Variants in CENPP observed in about 807,000 individuals in gnomAD.
CENPP encodes the protein centromere protein P.
In CENPP, 24 loss-of-function variants were observed where a neutral mutation model predicts 35.6. That is an observed-to-expected ratio of 0.67 (90% confidence interval 0.49 to 0.95). The LOEUF (loss-of-function observed/expected upper bound fraction) is 0.95, where lower values mean the gene tolerates loss of function less well. Among genes scored for constraint, CENPP ranks in the 40% least tolerant of loss-of-function variants. CENPP has a pLI of 0.00. For synonymous variants in CENPP, 120 were observed against 125.5 expected (o/e 0.96, Z 0.29); for missense variants, 332 against 345.3 (o/e 0.96, Z 0.31).
intron 5 of CENPP, among the ~76,000 whole-genome samples, chr9:92,454,956 G>T (rs111495382): frequency 1.3e-5 from 2 of 152,200 alleles, no homozygotes; most frequent in South Asian, 2.1e-4. Context: ...TTTTGTTCTA[G>T]GTTTCCAGAT....
At chr9:92,570,679 T>A (rs1305915190) in intron 5 of CENPP, among the ~76,000 whole-genome samples, 1 of 152,236 alleles carries the variant, frequency 6.6e-6, no homozygotes, top group Admixed American at 6.5e-5. Flanking sequence ...GTACCTCTGG[T>A]AGAATTCGGC....
intron 5 of CENPP, among the ~76,000 whole-genome samples, chr9:92,462,220 C>T (rs867758557): frequency 1.1e-4 from 17 of 152,284 alleles, no homozygotes; most frequent in Middle Eastern, 3.4e-3. Context: ...TCAAGCGATC[C>T]GCCTACCTTG....
intron 4 of CENPP, among the ~76,000 whole-genome samples, chr9:92,351,839 G>C (rs12156579): frequency 2.0e-5 from 3 of 151,604 alleles, no homozygotes; most frequent in African/African-American, 7.3e-5. Flanking sequence ...TGGCCAGGCT[G>C]GTCTTGAATT....
Position 92,465,052 on chromosome 9 carries a change from C to T in CENPP, c.564+85193C>T, listed in dbSNP as rs577711873. ...TTTCTGTCAGGGGAGAATGACATGA[C>T]TTAGCACACATAGGTTGTATATAAA... is the stretch of plus-strand genomic sequence containing the variant. On this transcript the variant is annotated intron_variant, in intron 5 of 7. Coordinates refer to ENST00000375587, the MANE Select transcript of CENPP (RefSeq NM_001012267.3). The T allele has an allele frequency of 1.2e-5, 18 of 1,481,806 alleles. No individual in the cohort carries two copies. In the Admixed American group the frequency reaches 2.5e-4, roughly 21 times the overall value. 91.8% of individuals were successfully genotyped at this position (1,481,806 alleles called of 1,614,324 possible).
At position 92,611,331 on chromosome 9, in the gene CENPP, C is replaced by T. The variant is rs769058253; in HGVS notation, c.582C>T (p.Ala194=). The T allele has an allele frequency of 8.1e-6, 13 of 1,613,744 alleles. No individual in the cohort carries two copies. Among genetic ancestry groups the T allele is most frequent in the Admixed American group, 3.3e-5 (2 of 60,026 alleles). The change falls in exon 6 of 8, where the codon GCC becomes GCT. Residue 194 remains alanine, a synonymous_variant. Coordinates refer to ENST00000375587, the MANE Select transcript of CENPP (RefSeq NM_001012267.3). ...CCATGCAGGAAAAGTACCCAGATGC[C>T]GTGTACCTCTCGGAGGGGCCCTCCT... is the stretch of plus-strand genomic sequence containing the variant. ...FKHLKEKYPD[A]VYLSEGPSSC...
intron 5 of CENPP, among the ~76,000 whole-genome samples, chr9:92,605,485 G>C (rs1851053062): frequency 6.6e-6 from 1 of 151,994 alleles, no homozygotes; most frequent in South Asian, 2.1e-4. Context: ...ATAAACCAGA[G>C]TATCTTTCAA....
chr9:92,521,923 A>G (rs1031604125), intron 5 of CENPP, among the ~76,000 whole-genome samples: 2 of 152,246 alleles, frequency 1.3e-5, no homozygotes, highest in Non-Finnish European at 2.9e-5. Context: ...TAGGATTACA[A>G]CTATTTAAAA....
chr9:92,393,144 A>G (rs759516062), intron 5 of CENPP: 3 of 1,613,858 alleles, frequency 1.9e-6, no homozygotes, highest in Admixed American at 3.3e-5. Context: ...GTGCGTAAAG[A>G]TAGGCTGATT....
At chr9:92,569,126 T>C (rs542573153) in intron 5 of CENPP, among the ~76,000 whole-genome samples, 19 of 152,336 alleles carry the variant, frequency 1.2e-4, no homozygotes, top group African/African-American at 4.6e-4. Context: ...TGCCATTGCT[T>C]TTGGTGTTTT....
intron 3 of CENPP, among the ~76,000 whole-genome samples, chr9:92,343,285 A>G (rs1305354081): frequency 2.0e-5 from 3 of 152,178 alleles, no homozygotes; most frequent in Admixed American, 2.0e-4. Flanking sequence ...TGGTGCAGCT[A>G]TTGTTGTCCA....
At chr9:92,382,239 T>A (rs922110207) in intron 5 of CENPP, among the ~76,000 whole-genome samples, 3 of 152,078 alleles carry the variant, frequency 2.0e-5, no homozygotes, top group African/African-American at 7.2e-5. Flanking sequence ...TTTTATTTAA[T>A]TTTTAATCGA....
At chr9:92,413,452 A>G (rs1843501612) in intron 5 of CENPP, among the ~76,000 whole-genome samples, 1 of 152,180 alleles carries the variant, frequency 6.6e-6, no homozygotes, top group Non-Finnish European at 1.5e-5. Context: ...ACATAGTAAT[A>G]TCTCATTTAT....
At chr9:92,362,865 A>G (rs1841793413) in intron 4 of CENPP, among the ~76,000 whole-genome samples, 3 of 152,214 alleles carry the variant, frequency 2.0e-5, no homozygotes, top group South Asian at 2.1e-4. Flanking sequence ...TATAATATGT[A>G]TGGATTCATT....
intron 5 of CENPP, chr9:92,610,597 A>G (rs1851211830): frequency 2.6e-5 from 4 of 152,292 alleles, no homozygotes; most frequent in Admixed American, 6.5e-5. Flanking sequence ...GCAAGCCTAG[A>G]AATCTGTGAG....
intron 4 of CENPP, among the ~76,000 whole-genome samples, chr9:92,363,859 T>C (rs1841823177): frequency 6.6e-6 from 1 of 151,748 alleles, no homozygotes; most frequent in Non-Finnish European, 1.5e-5. Context: ...TTTGTTTTTG[T>C]TTTTTTTGAG....
intron 5 of CENPP, among the ~76,000 whole-genome samples, chr9:92,465,795 G>A (rs1054621159): frequency 1.3e-5 from 2 of 151,474 alleles, no homozygotes; most frequent in Non-Finnish European, 2.9e-5. Context: ...ATTAGGGTCT[G>A]GTCAGAAACA....
At chr9:92,416,352 G>T (rs375213331) in intron 5 of CENPP, among the ~76,000 whole-genome samples, 5 of 151,702 alleles carry the variant, frequency 3.3e-5, no homozygotes, top group Admixed American at 6.6e-5. Flanking sequence ...CACCCCACCC[G>T]CCTTAGCCTC....
intron 5 of CENPP, among the ~76,000 whole-genome samples, chr9:92,454,331 G>A (rs7037075): frequency 0.45 from 67,752 of 151,960 alleles, 17,309 homozygotes; most frequent in African/African-American, 0.69. Flanking sequence ...TTTTCTTTTT[G>A]TAAAAAGATT....
rs949701451 is a variant in CENPP, at chr9:92,535,836, A to G, written c.565-75478A>G. 4.1e-5 allele frequency: 14 copies of G among 344,834 alleles called. No individual in the cohort carries two copies. In the Admixed American group the frequency reaches 4.6e-4, roughly 11 times the overall value. 21.4% of individuals were successfully genotyped at this position (344,834 alleles called of 1,614,324 possible). ...TTTAAAAATCTATTAGTAACGAGCTAATTTACTCAAGAGTTAAACAGTTGT... is the reference window on the plus strand; with the variant it reads ...TTTAAAAATCTATTAGTAACGAGCTGATTTACTCAAGAGTTAAACAGTTGT... On this transcript the variant is annotated intron_variant, in intron 5 of 7. Transcript: ENST00000375587.
Sources: allele counts gnomAD v4.1 joint callset (sites outside exome capture counted in the v4.1 genomes callset), GRCh38; gene constraint gnomAD v4.1.1; transcripts MANE v1.5; gene names NCBI Gene and HGNC (gene_info 2026-07-23, HGNC 2026-07-21).